The following CSMD1 variants were observed in gnomAD, a reference collection of about 807,000 sequenced individuals.
CSMD1 encodes the protein CUB and Sushi multiple domains 1.
Under a neutral mutation model 417.5 loss-of-function variants are expected in CSMD1, and 213 were observed. That is an observed-to-expected ratio of 0.51 (90% confidence interval 0.46 to 0.57). CSMD1 has a LOEUF of 0.57. Ranked by LOEUF, CSMD1 falls within the 20% of genes least tolerant of loss-of-function variation. CSMD1 has a pLI of 0.00. For missense variants in CSMD1, 6,923 were observed against 4,529.7 expected (o/e 1.53, Z -15.17); for synonymous variants, 2,862 against 1,736.8 (o/e 1.65, Z -16.11).
At chr8:3,559,732 A>G (rs1799389202) in intron 10 of CSMD1, among the ~76,000 whole-genome samples, 1 of 152,210 alleles carries the variant, frequency 6.6e-6, no homozygotes, top group Non-Finnish European at 1.5e-5. Flanking sequence ...TTATACATAT[A>G]TCTACATTTT....
At position 4,416,010 on chromosome 8, in the gene CSMD1, A is replaced by G. The variant is rs571920063; in HGVS notation, c.415+3943T>C. ...ACTACTTCACTTTCTCTACGTGATA[A>G]TAATAGATCACCTTATTTCACTTAG... On this transcript the variant is annotated intron_variant, in intron 3 of 69. Transcript: ENST00000635120. Among the ~76,000 whole-genome samples the G allele has an allele frequency of 7.2e-5, 11 of 152,298 alleles. 1 individual carries two copies. In the South Asian group the frequency reaches 2.1e-3, roughly 29 times the overall value.
chr8:4,000,214 G>C (rs1287279004), intron 4 of CSMD1, among the ~76,000 whole-genome samples: 1 of 144,782 alleles, frequency 6.9e-6, no homozygotes, highest in Non-Finnish European at 1.5e-5. Context: ...CTTGGGAACA[G>C]CCGAATGTCT....
At chr8:4,399,047 T>C (rs1804463283) in intron 3 of CSMD1, among the ~76,000 whole-genome samples, 1 of 152,218 alleles carries the variant, frequency 6.6e-6, no homozygotes, top group African/African-American at 2.4e-5. Flanking sequence ...AAGTGTTCTG[T>C]AAGAATCTCA....
intron 2 of CSMD1, among the ~76,000 whole-genome samples, chr8:4,511,651 C>A (rs556431372): frequency 6.6e-6 from 1 of 152,090 alleles, no homozygotes; most frequent in Non-Finnish European, 1.5e-5. Context: ...AGGGCAGAAA[C>A]CCACAAGCAC....
chr8:3,558,631 C>G (rs566267663), intron 10 of CSMD1, among the ~76,000 whole-genome samples: 1 of 149,058 alleles, frequency 6.7e-6, no homozygotes, highest in Non-Finnish European at 1.5e-5. Context: ...TGAATAGTGC[C>G]TCAATAGTAC....
At chr8:4,881,679 A>G (rs1421653333) in intron 1 of CSMD1, among the ~76,000 whole-genome samples, 2 of 152,024 alleles carry the variant, frequency 1.3e-5, no homozygotes, top group African/African-American at 4.8e-5. Context: ...TCTTTAAGGT[A>G]TTCTGCAACC....
At chr8:3,874,630 T>C (rs1805693849) in intron 5 of CSMD1, among the ~76,000 whole-genome samples, 1 of 152,114 alleles carries the variant, frequency 6.6e-6, no homozygotes, top group Non-Finnish European at 1.5e-5. Context: ...GTGGAATATG[T>C]TTTTTGGTTT....
chr8:4,094,968 A>G (rs965965859), intron 3 of CSMD1, among the ~76,000 whole-genome samples: 4 of 152,234 alleles, frequency 2.6e-5, no homozygotes, highest in African/African-American at 7.2e-5. Context: ...TGAATAAAGT[A>G]TTCAATAATA....
At chr8:3,204,759 A>G (rs1012388074) in intron 31 of CSMD1, among the ~76,000 whole-genome samples, 42 of 152,218 alleles carry the variant, frequency 2.8e-4, no homozygotes, top group African/African-American at 1.0e-3. Context: ...CATAAATAAA[A>G]ACCTTGACTA....
At chr8:3,680,039 T>C (rs1238758785) in intron 7 of CSMD1, among the ~76,000 whole-genome samples, 4 of 150,040 alleles carry the variant, frequency 2.7e-5, no homozygotes. Context: ...TAAAGCAGTG[T>C]GTAGAGGAAA....
At chr8:4,953,423 C>A (rs1220575383) in intron 1 of CSMD1, among the ~76,000 whole-genome samples, 1 of 152,090 alleles carries the variant, frequency 6.6e-6, no homozygotes, top group African/African-American at 2.4e-5. Flanking sequence ...CAAATAAAAT[C>A]ATTAAGATTA....
At chr8:3,271,245 A>G (rs1373722983) in intron 26 of CSMD1, among the ~76,000 whole-genome samples, 2 of 152,056 alleles carry the variant, frequency 1.3e-5, no homozygotes, top group Non-Finnish European at 2.9e-5. Flanking sequence ...ATGTCCCTAC[A>G]AAGCACATGA....
intron 2 of CSMD1, among the ~76,000 whole-genome samples, chr8:4,445,433 T>C (rs1426293044): frequency 6.6e-6 from 1 of 152,220 alleles, no homozygotes; most frequent in African/African-American, 2.4e-5. Context: ...CTGTACCAAA[T>C]CGTCTTTCAA....
chr8:3,529,901 C>G (rs373056806), intron 10 of CSMD1, among the ~76,000 whole-genome samples: 1 of 152,134 alleles, frequency 6.6e-6, no homozygotes, highest in East Asian at 1.9e-4. Flanking sequence ...TTATGGAAAG[C>G]CGAGGCCTTT....
chr8:4,909,967 C>G (rs1805554636), intron 1 of CSMD1, among the ~76,000 whole-genome samples: 1 of 152,162 alleles, frequency 6.6e-6, no homozygotes, highest in South Asian at 2.1e-4. Flanking sequence ...GATGATTTTA[C>G]TATATTATTT....
At chr8:3,735,875 T>G (rs1796499895) in intron 6 of CSMD1, among the ~76,000 whole-genome samples, 1 of 152,210 alleles carries the variant, frequency 6.6e-6, no homozygotes, top group African/African-American at 2.4e-5. Context: ...TTTTTCTAAA[T>G]ATATGACATA....
chr8:2,975,878 C>T (rs1014682248), intron 55 of CSMD1, among the ~76,000 whole-genome samples: 7 of 152,102 alleles, frequency 4.6e-5, no homozygotes, highest in Admixed American at 2.0e-4. Context: ...GCCAGCTAAA[C>T]CCCAGCTCCT....
At chr8:3,892,893 G>A (rs766352871) in intron 5 of CSMD1, among the ~76,000 whole-genome samples, 38 of 151,752 alleles carry the variant, frequency 2.5e-4, no homozygotes, top group African/African-American at 8.0e-4. Context: ...GATGGCAAGC[G>A]TTGATGTGGA....
At chr8:3,523,015 CCACACACACACACA>C in intron 10 of CSMD1, among the ~76,000 whole-genome samples, 2 of 141,874 alleles carry the variant, frequency 1.4e-5, no homozygotes, top group East Asian at 4.1e-4. Flanking sequence ...ATACACACAC[CCACACACACACACA>C]CACACACACA....
Sources: gnomAD v4.1 joint callset for allele counts (sites outside exome capture counted in the v4.1 genomes callset) on GRCh38, gnomAD v4.1.1 for gene constraint, MANE v1.5 for transcripts, NCBI Gene and HGNC (gene_info 2026-07-23, HGNC 2026-07-21) for gene names.